WDR27: variants seen among roughly 807,000 people sequenced by gnomAD.
WDR27 encodes the protein WD repeat domain 27, also known as WD repeat-containing protein 27.
A neutral mutation model predicts 114.4 loss-of-function variants in WDR27; 100 were observed. The observed-to-expected ratio is 0.87, with a 90% CI of 0.74 to 1.03. WDR27 has a LOEUF of 1.03. Ranked by LOEUF, WDR27 falls within the 50% of genes least tolerant of loss-of-function variation. The pLI is 0.00. For missense variants in WDR27, 1,129 were observed against 1,092.9 expected (o/e 1.03, Z -0.47); for synonymous variants, 449 against 423.1 (o/e 1.06, Z -0.75).
intron 7 of WDR27, chr6:169,665,141 G>A (rs1015855209): frequency 1.9e-5 from 20 of 1,025,844 alleles, no homozygotes; most frequent in Admixed American, 1.6e-4. Flanking sequence ...GCGCCTCTCC[G>A]GGGCGCGGGC....
chr6:169,621,215 CAT>C (rs1424497030), intron 21 of WDR27, among the ~76,000 whole-genome samples: 2 of 152,228 alleles, frequency 1.3e-5, no homozygotes, highest in Non-Finnish European at 2.9e-5. Flanking sequence ...CTCGCATATG[CAT>C]ATACACACAC....
At position 169,462,652 on chromosome 6, in the gene WDR27, C is replaced by T. The variant is rs192983038; in HGVS notation, c.2646-5018G>A. 1.1e-3 allele frequency among the ~76,000 whole-genome samples: 164 copies of T among 152,180 alleles called. 2 individuals carry two copies. Among genetic ancestry groups the T allele is most frequent in the Middle Eastern group, 3.4e-3 (1 of 294 alleles). Reference sequence around the variant, plus strand: ...TATCTCATTCCCCCAATACCAAGGCCAAATAAGATTCCACAAGAAAACAGA... The same window carrying T: ...TATCTCATTCCCCCAATACCAAGGCTAAATAAGATTCCACAAGAAAACAGA... On this transcript the variant is annotated intron_variant, in intron 25 of 25. Coordinates refer to ENST00000448612, the MANE Select transcript of WDR27 (RefSeq NM_182552.5).
intron 25 of WDR27, among the ~76,000 whole-genome samples, chr6:169,540,013 C>T (rs1166885099): frequency 1.3e-5 from 2 of 152,206 alleles, no homozygotes; most frequent in Admixed American, 6.5e-5. Flanking sequence ...TGGCCATAGC[C>T]GTTAACATTT....
intron 25 of WDR27, among the ~76,000 whole-genome samples, chr6:169,517,052 T>C (rs1478136014): frequency 6.6e-6 from 1 of 152,092 alleles, no homozygotes; most frequent in African/African-American, 2.4e-5. Flanking sequence ...ATCTCCAATG[T>C]TGGAGATGGG....
chr6:169,429,549 C>A, the WDR27 span, among the ~76,000 whole-genome samples: 1 of 151,814 alleles, frequency 6.6e-6, no homozygotes, highest in Non-Finnish European at 1.5e-5. Context: ...CACTTCAAGA[C>A]CTCACATTAC....
At chr6:169,692,128 T>C (rs1288998303) in intron 1 of WDR27, among the ~76,000 whole-genome samples, 2 of 152,168 alleles carry the variant, frequency 1.3e-5, no homozygotes, top group Non-Finnish European at 2.9e-5. Context: ...GGATGTAACC[T>C]TACCTAGAGC....
chr6:169,442,317 G>T, the WDR27 span, among the ~76,000 whole-genome samples: 1 of 152,142 alleles, frequency 6.6e-6, no homozygotes. Flanking sequence ...TCAAGTAACT[G>T]CCAAGATTAC....
intron 25 of WDR27, among the ~76,000 whole-genome samples, chr6:169,497,816 A>T (rs1790607029): frequency 6.6e-6 from 1 of 152,146 alleles, no homozygotes; most frequent in South Asian, 2.1e-4. Flanking sequence ...GTAAAATGGT[A>T]CAGCTGCTGT....
At chr6:169,526,879 CA>C (rs1226852479) in intron 25 of WDR27, among the ~76,000 whole-genome samples, 6 of 152,040 alleles carry the variant, frequency 3.9e-5, no homozygotes, top group Non-Finnish European at 8.8e-5. Context: ...AGAAGATATG[CA>C]GATAGCCAAG....
chr6:169,477,794 T>A (rs1157204712), intron 25 of WDR27, among the ~76,000 whole-genome samples: 1 of 152,202 alleles, frequency 6.6e-6, no homozygotes, highest in Non-Finnish European at 1.5e-5. Context: ...AAATCCCATA[T>A]GTATTTATTC....
intron 2 of WDR27, among the ~76,000 whole-genome samples, chr6:169,674,356 CA>C (rs1779538347): frequency 6.6e-6 from 1 of 152,022 alleles, no homozygotes; most frequent in Non-Finnish European, 1.5e-5. Flanking sequence ...TCCATATGTT[CA>C]AAAGTTAAGT....
At chr6:169,589,525 C>T (rs534218768) in intron 23 of WDR27, among the ~76,000 whole-genome samples, 3 of 152,116 alleles carry the variant, frequency 2.0e-5, no homozygotes, top group Non-Finnish European at 4.4e-5. Context: ...TGAGGTAAAA[C>T]GTATCCAGGA....
At chr6:169,639,172 C>T (rs1818509498) in intron 17 of WDR27, among the ~76,000 whole-genome samples, 1 of 130,042 alleles carries the variant, frequency 7.7e-6, no homozygotes, top group South Asian at 2.5e-4. Flanking sequence ...CTGCGTGGTG[C>T]TGGGTACTGT....
chr6:169,525,809 C>T (rs1044300180), intron 25 of WDR27, among the ~76,000 whole-genome samples: 4 of 152,068 alleles, frequency 2.6e-5, no homozygotes, highest in African/African-American at 7.2e-5. Context: ...CAGAACTATT[C>T]GCAACAGCCA....
intron 2 of WDR27, 150 bp from the exon 3 acceptor site, chr6:169,672,546 C>G: frequency 1.2e-6 from 1 of 827,724 alleles, no homozygotes; most frequent in Non-Finnish European, 1.8e-6. Flanking sequence ...GTTAAAATCC[C>G]TGCTATGTAC....
chr6:169,589,376 T>C (rs993408059), intron 23 of WDR27, among the ~76,000 whole-genome samples: 1 of 152,136 alleles, frequency 6.6e-6, no homozygotes, highest in Non-Finnish European at 1.5e-5. Context: ...CCCAATTCTA[T>C]AGACAAGGAA....
At chr6:169,503,568 T>C (rs753340493) in intron 25 of WDR27, among the ~76,000 whole-genome samples, 1 of 152,198 alleles carries the variant, frequency 6.6e-6, no homozygotes, top group Non-Finnish European at 1.5e-5. Context: ...TACTGGTTCA[T>C]TAGATGCTCC....
intron 25 of WDR27, among the ~76,000 whole-genome samples, chr6:169,492,171 A>G (rs1789854468): frequency 6.6e-6 from 1 of 152,080 alleles, no homozygotes; most frequent in Admixed American, 6.5e-5. Flanking sequence ...AAATTGTAAT[A>G]AAATATAGGA....
chr6:169,639,753 G>A (rs1215616259), intron 17 of WDR27, among the ~76,000 whole-genome samples: 1 of 152,194 alleles, frequency 6.6e-6, no homozygotes, highest in Non-Finnish European at 1.5e-5. Flanking sequence ...CAGACCCTGA[G>A]CACGTGCTGG....
Sources: allele counts gnomAD v4.1 joint callset (sites outside exome capture counted in the v4.1 genomes callset), GRCh38; gene constraint gnomAD v4.1.1; transcripts MANE v1.5; gene names NCBI Gene and HGNC (gene_info 2026-07-23, HGNC 2026-07-21).